Variants in ADGRB3 observed in about 807,000 individuals in gnomAD.
ADGRB3 encodes the protein brain-specific angiogenesis inhibitor 3.
A neutral mutation model predicts 193.4 loss-of-function variants in ADGRB3; 37 were observed. That is an observed-to-expected ratio of 0.19 (90% CI 0.15 to 0.25). ADGRB3 has a LOEUF of 0.25. Among genes scored for constraint, ADGRB3 ranks in the 10% least tolerant of loss-of-function variants. The pLI is 1.00. For missense variants in ADGRB3, 1,637 were observed against 1,852.9 expected (o/e 0.88, Z 2.14); for synonymous variants, 690 against 644.2 (o/e 1.07, Z -1.08).
At chr6:69,211,594 C>T (rs1765668901) in intron 17 of ADGRB3, among the ~76,000 whole-genome samples, 1 of 151,962 alleles carries the variant, frequency 6.6e-6, no homozygotes, top group African/African-American at 2.4e-5. Context: ...AAGTAGAAGC[C>T]CTGGACCTTC....
chr6:68,868,972 C>G (rs962273237), intron 3 of ADGRB3, among the ~76,000 whole-genome samples: 1 of 142,964 alleles, frequency 7.0e-6, no homozygotes, highest in Non-Finnish European at 1.5e-5. Context: ...ATCTTAGCAT[C>G]CTATCCAGCT....
intron 17 of ADGRB3, among the ~76,000 whole-genome samples, chr6:69,126,238 C>G (rs1169141278): frequency 1.7e-4 from 26 of 151,020 alleles, no homozygotes; most frequent in Admixed American, 3.9e-4. Flanking sequence ...TACACACATA[C>G]ATACATACAT....
chr6:68,843,888 T>C (rs1213693412), intron 3 of ADGRB3, among the ~76,000 whole-genome samples: 2 of 152,152 alleles, frequency 1.3e-5, no homozygotes, highest in Non-Finnish European at 2.9e-5. Context: ...AGTGAAATCC[T>C]TGATAACACA....
At chr6:68,791,456 C>G (rs540233592) in intron 3 of ADGRB3, among the ~76,000 whole-genome samples, 2 of 151,992 alleles carry the variant, frequency 1.3e-5, no homozygotes, top group African/African-American at 4.8e-5. Flanking sequence ...TATTTTTGCT[C>G]TTTTTCTTGT....
chr6:68,681,704 C>A (rs1315283395), intron 3 of ADGRB3, among the ~76,000 whole-genome samples: 1 of 150,174 alleles, frequency 6.7e-6, no homozygotes, highest in African/African-American at 2.5e-5. Context: ...ACAAGCAAAT[C>A]ATAACAACAT....
At chr6:68,945,831 A>G (rs886644632) in intron 6 of ADGRB3, among the ~76,000 whole-genome samples, 3 of 152,156 alleles carry the variant, frequency 2.0e-5, no homozygotes, top group African/African-American at 7.2e-5. Context: ...TATTTTCTTA[A>G]GTTGATATGG....
chr6:68,709,572 G>C (rs750685693), intron 3 of ADGRB3, among the ~76,000 whole-genome samples: 1 of 152,102 alleles, frequency 6.6e-6, no homozygotes, highest in Non-Finnish European at 1.5e-5. Flanking sequence ...TGTTTAAACT[G>C]TGCCTCAACA....
intron 26 of ADGRB3, among the ~76,000 whole-genome samples, chr6:69,347,379 C>T (rs957184646): frequency 3.3e-5 from 5 of 152,058 alleles, no homozygotes; most frequent in African/African-American, 1.2e-4. Context: ...AAGAATTAAG[C>T]AAGGTGGGAG....
At chr6:69,199,314 A>G (rs568623642) in intron 17 of ADGRB3, among the ~76,000 whole-genome samples, 1 of 152,238 alleles carries the variant, frequency 6.6e-6, no homozygotes, top group East Asian at 1.9e-4. Context: ...CAGACTCTAT[A>G]AGCAGACTGT....
chr6:69,023,787 A>G lies in ADGRB3; in HGVS notation c.2107+5288A>G, dbSNP rs77379950. 1.2e-3 allele frequency among the ~76,000 whole-genome samples: 177 copies of G among 152,266 alleles called. 1 individual carries two copies. In the East Asian group the frequency reaches 0.033, roughly 29 times the overall value. On this transcript the variant is annotated intron_variant, in intron 13 of 31. Transcript: ENST00000370598. ...TTAATAGTAATTCATGCAGGAGACAATGAAGACAGGAATTGCTGGTGGTAA... is the reference window on the plus strand; with the variant it reads ...TTAATAGTAATTCATGCAGGAGACAGTGAAGACAGGAATTGCTGGTGGTAA...
chr6:68,671,316 A>C (rs2802687), intron 3 of ADGRB3, among the ~76,000 whole-genome samples: 98,833 of 151,754 alleles, frequency 0.65, 33,025 homozygotes, highest in African/African-American at 0.8. Context: ...TGACAGTGGG[A>C]AACCTTGTTG....
chr6:69,028,867 A>G (rs1224290481), intron 13 of ADGRB3, among the ~76,000 whole-genome samples: 1 of 152,196 alleles, frequency 6.6e-6, no homozygotes, highest in Non-Finnish European at 1.5e-5. Flanking sequence ...TTATTCCTCA[A>G]GCTTTCTAAG....
intron 3 of ADGRB3, among the ~76,000 whole-genome samples, chr6:68,863,339 T>C (rs545069354): frequency 2.0e-5 from 3 of 152,202 alleles, no homozygotes; most frequent in Non-Finnish European, 2.9e-5. Context: ...ATATGGACCA[T>C]AGTGTTTCTC....
intron 13 of ADGRB3, among the ~76,000 whole-genome samples, chr6:69,047,685 C>T (rs1771277074): frequency 6.6e-6 from 1 of 152,030 alleles, no homozygotes; most frequent in African/African-American, 2.4e-5. Context: ...AGTAATATGG[C>T]TTTGTTCTCC....
intron 3 of ADGRB3, among the ~76,000 whole-genome samples, chr6:68,757,522 G>C (rs149281810): frequency 6.6e-6 from 1 of 151,778 alleles, no homozygotes; most frequent in Non-Finnish European, 1.5e-5. Context: ...TTTACCTTCC[G>C]TTTTTATTTT....
chr6:68,639,154 A>C lies in ADGRB3; in HGVS notation c.479A>C (p.Lys160Thr), dbSNP rs755630004. The C allele has an allele frequency of 6.2e-7, 1 of 1,614,204 alleles. No individual in the cohort carries two copies. The highest frequency in any genetic ancestry group is 1.7e-5 in the Admixed American group (1 of 60,012). The change falls in exon 3 of 32, where the codon AAG becomes ACG. Residue 160 changes from lysine to threonine, a missense_variant. By Grantham distance (78) the Lys-to-Thr change is moderately conservative. Around this residue, in one of 7 missense-constraint regions of ADGRB3, gnomAD observed 365 missense variants for 409.8 expected, o/e 0.89. Transcript: ENST00000370598. ...KSFFEFLVLNKVSPSQFGCHV... is the reference protein window; with the variant it reads ...KSFFEFLVLNTVSPSQFGCHV... The stretch of plus-strand genomic sequence containing the variant: ...TTTTTTGAGTTTTTGGTATTGAACA[A>C]GGTCAGCCCAAGCCAGTTTGGTTGC...
chr6:69,091,191 G>A (rs1772694448), intron 17 of ADGRB3, among the ~76,000 whole-genome samples: 2 of 152,120 alleles, frequency 1.3e-5, no homozygotes, highest in Non-Finnish European at 1.5e-5. Flanking sequence ...ACTGTTGATG[G>A]GAGTGTAAAT....
chr6:68,875,894 C>T (rs1765582419), intron 3 of ADGRB3, among the ~76,000 whole-genome samples: 1 of 151,242 alleles, frequency 6.6e-6, no homozygotes, highest in Non-Finnish European at 1.5e-5. Context: ...ATATTTCCCC[C>T]ATATGATTAT....
At chr6:68,890,308 C>T (rs1156550068) in intron 3 of ADGRB3, among the ~76,000 whole-genome samples, 1 of 152,164 alleles carries the variant, frequency 6.6e-6, no homozygotes, top group Non-Finnish European at 1.5e-5. Flanking sequence ...TTAAATCCTT[C>T]AAATACTGTT....
Sources: gnomAD v4.1 joint callset for allele counts (sites outside exome capture counted in the v4.1 genomes callset) on GRCh38, gnomAD v4.1.1 for gene constraint, gnomAD v4.1.1 regional missense constraint, MANE v1.5 for transcripts, NCBI Gene and HGNC (gene_info 2026-07-23, HGNC 2026-07-21) for gene names.